CTNNA2: variants seen among roughly 807,000 people sequenced by gnomAD.
CTNNA2 encodes the protein catenin alpha 2, also known as catenin alpha-2.
Under a neutral mutation model 101.0 loss-of-function variants are expected in CTNNA2, and 42 were observed. That is an observed-to-expected ratio of 0.42 (90% CI 0.32 to 0.54). The LOEUF (loss-of-function observed/expected upper bound fraction) is 0.54. CTNNA2 is among the 20% of genes least tolerant of loss of function. The pLI is 0.14. For synonymous variants in CTNNA2, 450 were observed against 456.4 expected, an observed-to-expected ratio of 0.99 and a Z score of 0.18; for missense variants, 871 against 1,223.1, an observed-to-expected ratio of 0.71 and a Z score of 4.29.
rs188396123 is a variant in CTNNA2, at chr2:79,241,569, G to A, written c.-406+43493G>A. Among the ~76,000 whole-genome samples, 27 of 152,264 alleles carry A rather than the reference G, an allele frequency of 1.8e-4. No individual in the cohort carries two copies. In the East Asian group the frequency reaches 5.2e-3, roughly 29 times the overall value. On this transcript the variant is annotated intron_variant, in intron 2 of 21. Coordinates refer to the CTNNA2 transcript ENST00000466387. ...GTGTCTATTTTTGCTTAATTAATGG[G>A]TTGTCATATGAAGGGAAGAATTTCA...
At chr2:80,063,548 C>T (rs190305424) in intron 7 of CTNNA2, among the ~76,000 whole-genome samples, 4 of 152,312 alleles carry the variant, frequency 2.6e-5, no homozygotes, top group Middle Eastern at 3.4e-3. Context: ...GCACCCTTCA[C>T]GTAACTGTCT....
At chr2:79,799,411 T>C (rs529437229) in intron 3 of CTNNA2, among the ~76,000 whole-genome samples, 1 of 152,230 alleles carries the variant, frequency 6.6e-6, no homozygotes, top group South Asian at 2.1e-4. Context: ...CTTTTTCATA[T>C]AGTTTGAGGG....
At chr2:79,293,422 G>T (rs1039030390) in intron 2 of CTNNA2, 8 of 152,082 alleles carry the variant, frequency 5.3e-5, no homozygotes, top group Non-Finnish European at 1.0e-4. Context: ...AAACAGTTTG[G>T]TGCTCAGAAA....
chr2:79,299,871 C>G (rs1400774289), intron 2 of CTNNA2, among the ~76,000 whole-genome samples: 1 of 152,116 alleles, frequency 6.6e-6, no homozygotes, highest in Non-Finnish European at 1.5e-5. Flanking sequence ...AAATTAGAAA[C>G]AGATGTAGGT....
chr2:79,943,550 C>T (rs1688298567), intron 7 of CTNNA2, among the ~76,000 whole-genome samples: 1 of 152,096 alleles, frequency 6.6e-6, no homozygotes, highest in Admixed American at 6.5e-5. Context: ...ACTTCTTATC[C>T]CCATTCCAGA....
intron 9 of CTNNA2, among the ~76,000 whole-genome samples, chr2:80,452,521 G>T (rs1192583999): frequency 2.0e-5 from 3 of 151,444 alleles, no homozygotes; most frequent in Non-Finnish European, 4.4e-5. Flanking sequence ...AATGGGAGAG[G>T]TCCTCTGGGC....
chr2:80,205,168 G>T lies in CTNNA2; in HGVS notation c.1057-188043G>T, dbSNP rs925438721. ...TCAGTTCTGATATTCTTGGCTTTCT[G>T]ACATCCTGGACAATTAGCAATAACC... On this transcript the variant is annotated intron_variant, in intron 7 of 18. Coordinates refer to ENST00000402739, the MANE Select transcript of CTNNA2 (RefSeq NM_001282597.3). 1.3e-5 allele frequency among the ~76,000 whole-genome samples: 2 copies of T among 152,188 alleles called. 1 individual carries two copies. Among genetic ancestry groups the T allele is most frequent in the South Asian group, 4.1e-4 (2 of 4,824 alleles).
intron 1 of CTNNA2, among the ~76,000 whole-genome samples, chr2:79,615,376 C>G (rs1325279499): frequency 6.6e-6 from 1 of 151,914 alleles, no homozygotes; most frequent in Non-Finnish European, 1.5e-5. Flanking sequence ...TTAAATATGA[C>G]TAAAAAAGTT....
At chr2:80,162,717 T>A in intron 7 of CTNNA2, 3 of 1,612,114 alleles carry the variant, frequency 1.9e-6, no homozygotes, top group Non-Finnish European at 2.5e-6. Flanking sequence ...ACTATGACTG[T>A]GTGATTGAAC....
chr2:80,550,174 A>C (rs1442673061), intron 11 of CTNNA2, among the ~76,000 whole-genome samples: 3 of 152,200 alleles, frequency 2.0e-5, no homozygotes, highest in South Asian at 4.1e-4. Context: ...CATATAAGTT[A>C]TGTTTACAGT....
Position 80,581,792 on chromosome 2 carries a change from C to T in CTNNA2, c.1980C>T (p.Asp660=). 6.2e-7 allele frequency: 1 copy of T among 1,611,810 alleles called. No homozygotes were observed. The highest frequency in any genetic ancestry group is 2.2e-5 in the East Asian group (1 of 44,844). ...GGACAAGTGTTCAGACTGAGGATGACCAGCTCATTGCAGGGCAGAGCGCAC... is the reference window on the plus strand; with the variant it reads ...GGACAAGTGTTCAGACTGAGGATGATCAGCTCATTGCAGGGCAGAGCGCAC... ...RSRTSVQTED[D]QLIAGQSARA... The change falls in exon 14 of 19, where the codon GAC becomes GAT. Residue 660 remains aspartate (D), a synonymous_variant. Transcript: ENST00000402739.
At chr2:80,236,813 C>T (rs575579031) in intron 7 of CTNNA2, among the ~76,000 whole-genome samples, 13 of 152,262 alleles carry the variant, frequency 8.5e-5, no homozygotes, top group African/African-American at 3.1e-4. Context: ...GCTAATCAGA[C>T]ACAGAGAATC....
At position 79,853,024 on chromosome 2, in the gene CTNNA2, G is replaced by A. The variant is rs750880499; in HGVS notation, c.299-4989G>A. 3.3e-5 allele frequency among the ~76,000 whole-genome samples: 5 copies of A among 151,614 alleles called. No individual in the cohort carries two copies. In the East Asian group the frequency reaches 5.8e-4, roughly 18 times the overall value. ...TGGGACTACAGGCACCTGCCAGCACGCCTGGCTAATTTTTTGTATTTTTAG... is the reference window on the plus strand; with the variant it reads ...TGGGACTACAGGCACCTGCCAGCACACCTGGCTAATTTTTTGTATTTTTAG... On this transcript the variant is annotated intron_variant, in intron 3 of 18. Coordinates refer to ENST00000402739, the MANE Select transcript of CTNNA2 (RefSeq NM_001282597.3).
At chr2:80,647,301 A>G (rs143778505) in intron 18 of CTNNA2, among the ~76,000 whole-genome samples, 22 of 146,322 alleles carry the variant, frequency 1.5e-4, no homozygotes, top group Admixed American at 1.4e-3. Flanking sequence ...CTTGTCCAAC[A>G]TTTGAGTAAA....
At chr2:80,408,912 A>G (rs1355445698) in intron 8 of CTNNA2, among the ~76,000 whole-genome samples, 8 of 152,116 alleles carry the variant, frequency 5.3e-5, no homozygotes, top group Non-Finnish European at 7.4e-5. Context: ...TCATCTAAAC[A>G]ACACAAATAA....
intron 1 of CTNNA2, among the ~76,000 whole-genome samples, chr2:79,650,948 C>T (rs1038531926): frequency 6.6e-6 from 1 of 151,934 alleles, no homozygotes; most frequent in Non-Finnish European, 1.5e-5. Context: ...CATCCATGTC[C>T]CTACACAGGA....
intron 2 of CTNNA2, among the ~76,000 whole-genome samples, chr2:79,706,997 A>G (rs1017718094): frequency 1.3e-5 from 2 of 152,188 alleles, no homozygotes; most frequent in Non-Finnish European, 2.9e-5. Flanking sequence ...TATATTTAAC[A>G]TATGACCATG....
At chr2:80,520,762 A>G (rs1243019481) in intron 9 of CTNNA2, among the ~76,000 whole-genome samples, 2 of 152,182 alleles carry the variant, frequency 1.3e-5, no homozygotes, top group South Asian at 4.1e-4. Context: ...GGGGTATTGT[A>G]CTGAGAGACT....
At chr2:80,585,019 A>G (rs971430472) in intron 14 of CTNNA2, among the ~76,000 whole-genome samples, 2 of 152,100 alleles carry the variant, frequency 1.3e-5, no homozygotes, top group Admixed American at 6.6e-5. Context: ...ACTGCTTTAA[A>G]GTCAAGTAAG....
Sources: allele counts gnomAD v4.1 joint callset (sites outside exome capture counted in the v4.1 genomes callset), GRCh38; gene constraint gnomAD v4.1.1; transcripts MANE v1.5; gene names NCBI Gene and HGNC (gene_info 2026-07-23, HGNC 2026-07-21).